ZNF648: variants seen among roughly 807,000 people sequenced by gnomAD.
ZNF648 encodes the protein zinc finger protein 648.
In ZNF648, 1 loss-of-function variant was observed where a neutral mutation model predicts 0.3. The observed-to-expected ratio is 3.90, with a 90% CI of 1.39 to 18.51. The LOEUF is 18.51. Ranked by LOEUF, ZNF648 falls within the 30% of genes most tolerant of loss-of-function variation. The pLI, the probability that ZNF648 is intolerant of heterozygous loss-of-function variation, is 0.11. For missense variants in ZNF648, 874 were observed against 769.7 expected (o/e 1.14, Z -1.60); for synonymous variants, 376 against 326.8 (o/e 1.15, Z -1.62).
At chr1:182,059,104 A>G (rs1665989934) in intron 1 of ZNF648, among the ~76,000 whole-genome samples, 1 of 152,208 alleles carries the variant, frequency 6.6e-6, no homozygotes, top group East Asian at 1.9e-4. Context: ...TACAGGCATG[A>G]GCCACTGTGC....
At chr1:182,068,309 T>G in the ZNF648 span, 2 of 152,238 alleles carry the variant, frequency 1.3e-5, no homozygotes, top group Non-Finnish European at 2.9e-5. Flanking sequence ...GATCATTCAT[T>G]TACTCACCAA....
chr1:182,068,299 G>C, the ZNF648 span: 3 of 152,096 alleles, frequency 2.0e-5, no homozygotes, highest in Non-Finnish European at 4.4e-5. Flanking sequence ...TTATTTGTTC[G>C]ATCATTCATT....
rs2101920459 is a variant in ZNF648 at position 182,057,973 on chromosome 1, G to A, written c.38C>T (p.Ala13Val). Residue 13 changes from alanine (A) to valine (V), a missense_variant, in exon 2 of 2, where the codon GCG becomes GTG. Ala to Val is a moderately conservative substitution (Grantham distance 64). Coordinates refer to ENST00000339948, the MANE Select transcript of ZNF648 (RefSeq NM_001009992.1). ...QVDSQDRWGEASPLSSLTEEA... is the reference protein window; with the variant it reads ...QVDSQDRWGEVSPLSSLTEEA... Reference sequence around the variant, plus strand: ...CTCAGTCAAGCTGCTGAGAGGAGACGCCTCTCCCCACCTGTCCTGGGAGTC... The same window carrying A: ...CTCAGTCAAGCTGCTGAGAGGAGACACCTCTCCCCACCTGTCCTGGGAGTC... The A allele has an allele frequency of 6.2e-7, 1 of 1,612,782 alleles. No homozygotes were observed.
upstream of ZNF648, chr1:182,063,513 G>C (rs930153383): frequency 6.6e-6 from 1 of 152,168 alleles, no homozygotes; most frequent in African/African-American, 2.4e-5. Flanking sequence ...CTTTTGAGAA[G>C]TGTCTATTCA....
rs201755186 is a variant in ZNF648 at position 182,057,364 on chromosome 1, G to A, written c.647C>T (p.Pro216Leu). The change falls in exon 2 of 2, where the codon CCA (proline) becomes CTA (leucine). Residue 216 changes from proline (P) to leucine (L), a missense_variant. Physicochemically the swap from Pro to Leu is moderately conservative, Grantham distance 98. Coordinates refer to ENST00000339948, the MANE Select transcript of ZNF648 (RefSeq NM_001009992.1). ...CAGGACCGCGGCAGCCAGGCTGGCT[G>A]GGGTGGCCGACGCCTGGGCTGGTGT... ...THTPAQASAT[P>L]ASLAAAVLAK... 3 of 1,612,086 alleles carry A rather than the reference G, an allele frequency of 1.9e-6. No individual in the cohort carries two copies. Among genetic ancestry groups the A allele is most frequent in the African/African-American group, 2.7e-5 (2 of 75,064 alleles).
chr1:182,061,814 G>C (rs1666036044), upstream of ZNF648: 1 of 153,288 alleles, frequency 6.5e-6, no homozygotes, highest in African/African-American at 2.4e-5. Flanking sequence ...CTCACTGCCT[G>C]AACCGATCCT....
intron 1 of ZNF648, among the ~76,000 whole-genome samples, chr1:182,058,814 A>T (rs1376674731): frequency 6.6e-6 from 1 of 151,938 alleles, no homozygotes; most frequent in Non-Finnish European, 1.5e-5. Flanking sequence ...TTTACATTTT[A>T]TGTCTCATTT....
At chr1:182,059,759 G>A (rs556107092) in intron 1 of ZNF648, among the ~76,000 whole-genome samples, 55 of 149,168 alleles carry the variant, frequency 3.7e-4, no homozygotes, top group Admixed American at 2.1e-3. Flanking sequence ...AGCTGAGATC[G>A]CGCCACTGCA....
At chr1:182,067,971 A>G in the ZNF648 span, among the ~76,000 whole-genome samples, 1 of 152,316 alleles carries the variant, frequency 6.6e-6, no homozygotes, top group Admixed American at 6.5e-5. Context: ...CACAAATGAG[A>G]CTTCTGGGAA....
rs1490239120 is a variant in ZNF648 at position 182,057,188 on chromosome 1, C to G, written c.823G>C (p.Ala275Pro). ...PLSPAETRGGAAKRYACELCG... is the reference protein window; with the variant it reads ...PLSPAETRGGPAKRYACELCG... Reference sequence around the variant, plus strand: ...AGCTCGCACGCGTAGCGCTTGGCGGCGCCGCCGCGCGTCTCCGCGGGGCTC... The same window carrying G: ...AGCTCGCACGCGTAGCGCTTGGCGGGGCCGCCGCGCGTCTCCGCGGGGCTC... The change falls in exon 2 of 2, where the codon GCC (alanine) becomes CCC (proline). Residue 275 changes from alanine to proline, a missense_variant. By Grantham distance (27) the Ala-to-Pro change is conservative. Coordinates refer to ENST00000339948, the MANE Select transcript of ZNF648 (RefSeq NM_001009992.1). 1 of 1,577,204 alleles carries G rather than the reference C, an allele frequency of 6.3e-7. No homozygotes were observed. The highest frequency in any genetic ancestry group is 1.3e-5 in the African/African-American group (1 of 74,286).
At chr1:182,066,733 T>A in the ZNF648 span, among the ~76,000 whole-genome samples, 1 of 152,220 alleles carries the variant, frequency 6.6e-6, no homozygotes, top group East Asian at 1.9e-4. Context: ...AATTTCATGA[T>A]AGGGTTGTAA....
In ZNF648 at chr1:182,055,966, AG is replaced by A; in HGVS notation, c.*337del. The A allele has an allele frequency of 3.5e-6, 1 of 287,578 alleles. No homozygotes were observed. Among genetic ancestry groups the A allele is most frequent in the Non-Finnish European group, 6.5e-6 (1 of 153,610 alleles). 17.8% of individuals were successfully genotyped at this position (287,578 alleles called of 1,614,324 possible). A position where few individuals can be genotyped will look rare whatever the true frequency, so the allele number is the denominator to read the frequency against. ...GTCTTTTTCCCCACCTTATCCCTGG[AG>A]CCCGGCCCAGTGCCCAGCATGTAAT... On this transcript the variant is annotated 3_prime_UTR_variant, in exon 2 of 2. Transcript: ENST00000339948. The surrounding 1 kb of genome is among the most constrained non-coding windows in gnomAD (Gnocchi z 4.1).
Position 182,057,871 on chromosome 1 carries a change from C to T in ZNF648, c.140G>A (p.Gly47Asp). 1.2e-6 allele frequency: 2 copies of T among 1,614,144 alleles called. No homozygotes were observed. The highest frequency in any genetic ancestry group is 2.2e-5 in the South Asian group (2 of 91,080). Residue 47 changes from glycine (G) to aspartate (D), a missense_variant, in exon 2 of 2, where the codon GGC (glycine) becomes GAC (aspartate). Physicochemically the swap from Gly to Asp is moderately conservative, Grantham distance 94. Coordinates refer to ENST00000339948, the MANE Select transcript of ZNF648 (RefSeq NM_001009992.1). ...TGGACAGGCCACCGGGTCAGCGGTG[C>T]CCTCTTTTTCGGCCTCCCCACCATC... is the stretch of plus-strand genomic sequence containing the variant. ...DEDGGEAEKE[G>D]TADPVACPRG... is the part of the protein sequence containing the mutation.
chr1:182,061,646 A>C lies in ZNF648; in HGVS notation c.-142T>G, dbSNP rs1460827501. 1 of 152,474 alleles carries C rather than the reference A, an allele frequency of 6.6e-6. No homozygotes were observed. Among genetic ancestry groups the C allele is most frequent in the African/African-American group, 2.4e-5 (1 of 41,458 alleles). The allele number at this position is 152,474 out of a possible 1,614,324, so 9.4% of individuals were successfully genotyped here. On this transcript the variant is annotated 5_prime_UTR_variant, in exon 1 of 2. Coordinates refer to ENST00000339948, the MANE Select transcript of ZNF648 (RefSeq NM_001009992.1). ...GGGCTCTCAGCAACAGGAACCAGTT[A>C]GGTACAAATCAGCAGAGATGGTGTC... is the stretch of plus-strand genomic sequence containing the variant.
chr1:182,065,077 G>A (rs1469846628), upstream of ZNF648, among the ~76,000 whole-genome samples: 1 of 152,150 alleles, frequency 6.6e-6, no homozygotes, highest in Non-Finnish European at 1.5e-5. Context: ...GCTACTACTA[G>A]TGTTACCTGC....
the ZNF648 span, among the ~76,000 whole-genome samples, chr1:182,068,083 G>A: frequency 3.9e-5 from 6 of 152,296 alleles, no homozygotes; most frequent in East Asian, 7.7e-4. Flanking sequence ...TTATCTTTAC[G>A]TAATAAACAC....
upstream of ZNF648, chr1:182,064,667 G>A (rs1017236172): frequency 1.3e-5 from 2 of 152,220 alleles, no homozygotes; most frequent in African/African-American, 4.8e-5. Flanking sequence ...ATTTCTTGAA[G>A]GGGCCATGAT....
In ZNF648 at chr1:182,056,581, G is replaced by C; in HGVS notation, c.1430C>G (p.Pro477Arg). 6.2e-7 allele frequency: 1 copy of C among 1,614,058 alleles called. No homozygotes were observed. Residue 477 changes from proline (P) to arginine (R), a missense_variant, in exon 2 of 2, where the codon CCT becomes CGT. Physicochemically the swap from Pro to Arg is moderately radical, Grantham distance 103. Coordinates refer to ENST00000339948, the MANE Select transcript of ZNF648 (RefSeq NM_001009992.1). ...QRIHTGERPF[P>R]CTQCGQAFAR... is the part of the protein sequence containing the mutation. Reference sequence around the variant, plus strand: ...AAAGGCCTGGCCACACTGCGTGCAAGGAAAGGGCCTCTCGCCAGTGTGGAT... The same window carrying C: ...AAAGGCCTGGCCACACTGCGTGCAACGAAAGGGCCTCTCGCCAGTGTGGAT...
intron 1 of ZNF648, among the ~76,000 whole-genome samples, chr1:182,060,515 T>G (rs1415680568): frequency 1.3e-5 from 2 of 152,134 alleles, no homozygotes; most frequent in Admixed American, 1.3e-4. Context: ...GAGGACACAT[T>G]GCAGTTGTGA....
Sources: allele counts gnomAD v4.1 joint callset (sites outside exome capture counted in the v4.1 genomes callset), GRCh38; gene constraint gnomAD v4.1.1; non-coding constraint Gnocchi (gnomAD v3.1); transcripts MANE v1.5; gene names NCBI Gene and HGNC (gene_info 2026-07-23, HGNC 2026-07-21).